Variants in MUSK observed in about 807,000 individuals in gnomAD.
The protein encoded by MUSK is muscle, skeletal receptor tyrosine-protein kinase.
A neutral mutation model predicts 88.7 loss-of-function variants in MUSK; 55 were observed. The ratio of observed to expected loss-of-function variants is 0.62; its 90% CI spans 0.50 to 0.78. MUSK has a LOEUF of 0.78. Among genes scored for constraint, MUSK ranks in the 30% least tolerant of loss-of-function variants. The probability of loss-of-function intolerance (pLI) is 0.00; values close to 1 mark genes in which losing one functional copy is unlikely to be tolerated. For synonymous variants in MUSK, 387 were observed against 391.9 expected (o/e 0.99, Z 0.15); for missense variants, 1,015 against 1,074.3 (o/e 0.94, Z 0.77).
intron 8 of MUSK, among the ~76,000 whole-genome samples, chr9:110,764,412 G>T (rs1392944023): frequency 6.6e-6 from 1 of 152,082 alleles, no homozygotes; most frequent in Non-Finnish European, 1.5e-5. Context: ...TAGATTTAGG[G>T]GTTTGAGGGA....
Position 110,776,640 on chromosome 9 carries a change from A to G in MUSK, c.1369A>G (p.Lys457Glu), listed in dbSNP as rs2077675879. The G allele has an allele frequency of 3.1e-6, 5 of 1,598,798 alleles. No homozygotes were observed. In the East Asian group the frequency reaches 1.1e-4, roughly 36 times the overall value. Reference protein sequence around the residue: ...CARLPHLDYNKENLKTFPPMT... With the variant: ...CARLPHLDYNEENLKTFPPMT... Reference sequence around the variant, plus strand: ...TATCCTTTCCCCTTCAGATTATAACAAAGAAAACCTAAAAAGTAAGTAATT... The same window carrying G: ...TATCCTTTCCCCTTCAGATTATAACGAAGAAAACCTAAAAAGTAAGTAATT... Residue 457 changes from lysine (K) to glutamate (E), a missense_variant, in exon 11 of 15, where the codon AAA (lysine) becomes GAA (glutamate). Transcript: ENST00000374448.
Position 110,689,764 on chromosome 9 carries a change from T to A in MUSK, c.358+2496T>A, listed in dbSNP as rs1169330694. On this transcript the variant is annotated intron_variant, in intron 3 of 14. Transcript: ENST00000374448. ...AATATTATATATTATATATAAACTA[T>A]ATATATCACATATAGTTTATATATT... is the stretch of plus-strand genomic sequence containing the variant. Among the ~76,000 whole-genome samples, 74 of 65,312 alleles carry A rather than the reference T, an allele frequency of 1.1e-3. 9 individuals carry two copies. The highest frequency in any genetic ancestry group is 5.8e-3 in the African/African-American group (74 of 12,856). The allele number at this position is 65,312 out of a possible 152,430, so 42.8% of individuals were successfully genotyped here.
rs34924295 is a variant in MUSK at position 110,797,162 on chromosome 9, CAAAAAAAAAA to C, written c.1928-3127_1928-3118del. On this transcript the variant is annotated intron_variant, in intron 14 of 14. Coordinates refer to ENST00000374448, the MANE Select transcript of MUSK (RefSeq NM_005592.4). The stretch of plus-strand genomic sequence containing the variant: ...AATAAAAAATAAATGCATGAATACC[CAAAAAAAAAA>C]AAAAAAAAAAAAAAAAGAAGGCATT... 4.2e-4 allele frequency among the ~76,000 whole-genome samples: 7 copies of C among 16,818 alleles called. No homozygotes were observed. In the East Asian group the frequency reaches 8.2e-3, roughly 20 times the overall value. The allele number at this position is 16,818 out of a possible 152,430, so 11.0% of individuals were successfully genotyped here. A position where few individuals can be genotyped will look rare whatever the true frequency, so the allele number is the denominator to read the frequency against.
chr9:110,806,558 AT>A (rs577231330), downstream of MUSK, among the ~76,000 whole-genome samples: 135 of 152,344 alleles, frequency 8.9e-4, no homozygotes, highest in Non-Finnish European at 1.6e-3. Flanking sequence ...GTGATCATGT[AT>A]TTATGCATTG....
At chr9:110,785,392 C>T (rs373426450) in intron 12 of MUSK, 135 bp from the exon 13 acceptor site, 20 of 773,044 alleles carry the variant, frequency 2.6e-5, no homozygotes, top group Middle Eastern at 8.0e-4. Flanking sequence ...GCTCTCAAAA[C>T]GAAGGATCTT....
intron 8 of MUSK, among the ~76,000 whole-genome samples, chr9:110,762,627 A>G (rs545701480): frequency 2.0e-5 from 3 of 152,218 alleles, no homozygotes; most frequent in Non-Finnish European, 4.4e-5. Context: ...AGTGGCTTAC[A>G]CAGCCAGTAA....
chr9:110,762,306 G>C, intron 8 of MUSK, 98 bp downstream of exon 8: 9 of 892,598 alleles, frequency 1.0e-5, no homozygotes, highest in Non-Finnish European at 1.4e-5. Context: ...TGTTGCCCAG[G>C]CTGGAGTGCG....
In MUSK at chr9:110,785,690, G is replaced by A; in HGVS notation, c.1750G>A (p.Gly584Arg). Reference sequence around the variant, plus strand: ...TGAATATGTGAGAGACATCGGAGAGGGAGCGTTTGGAAGGGTGTTTCAAGC... The same window carrying A: ...TGAATATGTGAGAGACATCGGAGAGAGAGCGTTTGGAAGGGTGTTTCAAGC... Reference protein sequence around the residue: ...NIEYVRDIGEGAFGRVFQARA... With the variant: ...NIEYVRDIGERAFGRVFQARA... Residue 584 changes from glycine (G) to arginine (R), a missense_variant, in exon 13 of 15, where the codon GGA (glycine) becomes AGA (arginine). Physicochemically the swap from Gly to Arg is moderately radical, Grantham distance 125. Coordinates refer to ENST00000374448, the MANE Select transcript of MUSK (RefSeq NM_005592.4). 6.2e-7 allele frequency: 1 copy of A among 1,607,220 alleles called. No homozygotes were observed.
At chr9:110,772,943 C>T (rs552772482) in intron 9 of MUSK, among the ~76,000 whole-genome samples, 3 of 152,140 alleles carry the variant, frequency 2.0e-5, no homozygotes, top group Non-Finnish European at 4.4e-5. Flanking sequence ...CGTGCTATCA[C>T]TCATGGTTTT....
At chr9:110,789,882 G>C (rs983470194) in intron 14 of MUSK, among the ~76,000 whole-genome samples, 3 of 152,182 alleles carry the variant, frequency 2.0e-5, no homozygotes, top group Non-Finnish European at 4.4e-5. Context: ...GTTCTGGTAA[G>C]GATGATCTGG....
At chr9:110,791,003 G>C (rs2077965421) in intron 14 of MUSK, among the ~76,000 whole-genome samples, 1 of 152,170 alleles carries the variant, frequency 6.6e-6, no homozygotes, top group South Asian at 2.1e-4. Context: ...TATTATGATT[G>C]ATCAAGGAAC....
intron 7 of MUSK, among the ~76,000 whole-genome samples, chr9:110,755,377 C>T (rs377423304): frequency 2.0e-5 from 3 of 152,230 alleles, no homozygotes; most frequent in East Asian, 3.9e-4. Context: ...ATGAATCACT[C>T]ATAAAGAGAG....
At chr9:110,690,092 TATA>T (rs1304639261) in intron 3 of MUSK, among the ~76,000 whole-genome samples, 1 of 80,162 alleles carries the variant, frequency 1.2e-5, no homozygotes. Context: ...AAATATATAT[TATA>T]TAAGTATAAA....
At chr9:110,694,576 G>T (rs10817079) in intron 3 of MUSK, among the ~76,000 whole-genome samples, 2 of 152,050 alleles carry the variant, frequency 1.3e-5, no homozygotes, top group African/African-American at 4.8e-5. Flanking sequence ...TGTCCTGCAA[G>T]AAATAAAATG....
intron 5 of MUSK, among the ~76,000 whole-genome samples, chr9:110,703,505 G>A (rs1453311909): frequency 1.3e-5 from 2 of 151,820 alleles, no homozygotes; most frequent in African/African-American, 2.4e-5. Context: ...ACTCCAGCCT[G>A]GGCAACAGAG....
intron 8 of MUSK, among the ~76,000 whole-genome samples, chr9:110,763,051 A>G (rs961020402): frequency 6.6e-6 from 1 of 152,206 alleles, no homozygotes; most frequent in African/African-American, 2.4e-5. Context: ...CACAATGCGT[A>G]CATGTTTTAA....
chr9:110,681,007 TATATATA>T (rs1382185486), intron 1 of MUSK, among the ~76,000 whole-genome samples: 2 of 26,412 alleles, frequency 7.6e-5, no homozygotes, highest in Non-Finnish European at 1.3e-4. Flanking sequence ...TATATTATAT[TATATATA>T]ATATATATTA....
intron 9 of MUSK, among the ~76,000 whole-genome samples, chr9:110,774,000 A>G (rs1376384660): frequency 1.3e-5 from 2 of 152,100 alleles, no homozygotes; most frequent in South Asian, 2.1e-4. Context: ...TGCCCTAAAC[A>G]TTGTGCCCTT....
intron 8 of MUSK, among the ~76,000 whole-genome samples, chr9:110,765,486 G>A (rs1175263145): frequency 6.6e-6 from 1 of 152,136 alleles, no homozygotes; most frequent in Non-Finnish European, 1.5e-5. Context: ...ACAATGACAG[G>A]TTAACAAGAG....
Sources: gnomAD v4.1 joint callset for allele counts (sites outside exome capture counted in the v4.1 genomes callset) on GRCh38, gnomAD v4.1.1 for gene constraint, MANE v1.5 for transcripts, NCBI Gene and HGNC (gene_info 2026-07-23, HGNC 2026-07-21) for gene names.